The following CSNK1G2 variants were observed in gnomAD, a reference collection of about 807,000 sequenced individuals.
CSNK1G2 encodes the protein casein kinase I isoform gamma-2.
CSNK1G2 carries 11 observed loss-of-function variants against 48.0 expected under a neutral mutation model. The ratio of observed to expected loss-of-function variants is 0.23; its 90% CI spans 0.14 to 0.38. The LOEUF is 0.38. Among genes scored for constraint, CSNK1G2 ranks in the 10% least tolerant of loss-of-function variants. CSNK1G2 has a pLI of 1.00. For missense variants in CSNK1G2, 446 were observed against 595.5 expected (o/e 0.75, Z 2.61); for synonymous variants, 337 against 254.1 (o/e 1.33, Z -3.10).
chr19:1,963,831 T>TC (rs1195529263), intron 1 of CSNK1G2, among the ~76,000 whole-genome samples: 1 of 145,222 alleles, frequency 6.9e-6, no homozygotes, highest in African/African-American at 2.6e-5. Context: ...TTTTTTTTTT[T>TC]TTGGAGACAG....
intron 1 of CSNK1G2, among the ~76,000 whole-genome samples, chr19:1,948,967 G>C (rs1450354875): frequency 1.3e-5 from 2 of 152,210 alleles, no homozygotes; most frequent in African/African-American, 4.8e-5. Flanking sequence ...TGGAAGTAAT[G>C]CTCATGGAAG....
Position 1,957,173 on chromosome 19 carries a change from G to T in CSNK1G2, c.-265-12335G>T, listed in dbSNP as rs114340485. Among the ~76,000 whole-genome samples the T allele has an allele frequency of 0.013, 1,940 of 152,290 alleles. 43 individuals are homozygous for T. The highest frequency in any genetic ancestry group is 0.044 in the African/African-American group (1,843 of 41,540). The stretch of plus-strand genomic sequence containing the variant: ...GGCTAGAAAGAAAAGCAACCTGGAC[G>T]CAGGCCCCACCTCCCTCCAGGCAGC... On this transcript the variant is annotated intron_variant, in intron 1 of 11. Coordinates refer to ENST00000255641, the MANE Select transcript of CSNK1G2 (RefSeq NM_001319.7). This position sits in a 1 kb window ranked among gnomAD's most constrained non-coding sequence, Gnocchi z 5.4.
At chr19:1,974,024 A>C (rs944155527) in intron 2 of CSNK1G2, among the ~76,000 whole-genome samples, 25 of 151,882 alleles carry the variant, frequency 1.6e-4, no homozygotes, top group African/African-American at 6.0e-4. Flanking sequence ...AGTAGCTGGG[A>C]TTACAGGCGC....
At chr19:1,951,498 G>T (rs2014761501) in intron 1 of CSNK1G2, among the ~76,000 whole-genome samples, 2 of 146,116 alleles carry the variant, frequency 1.4e-5, no homozygotes, top group Non-Finnish European at 3.0e-5. Context: ...TGGCCCAGCT[G>T]CCTGTGTCCT....
intron 1 of CSNK1G2, among the ~76,000 whole-genome samples, chr19:1,954,887 G>C (rs1296516014): frequency 6.6e-6 from 1 of 152,164 alleles, no homozygotes; most frequent in South Asian, 2.1e-4. Context: ...GGGTTGGGTG[G>C]AGGCTGGGTG....
At position 1,945,884 on chromosome 19, in the gene CSNK1G2, G is replaced by A. The variant is rs145564956; in HGVS notation, c.-266+4466G>A. Among the ~76,000 whole-genome samples, 254 of 151,968 alleles carry A rather than the reference G, an allele frequency of 1.7e-3. 1 individual carries two copies. The highest frequency in any genetic ancestry group is 5.8e-3 in the African/African-American group (242 of 41,424). ...CGCATCTGCTGAACTTCTGGGGCAC[G>A]CTGGGGTAGAGCAGTGGGTCCCTCC... On this transcript the variant is annotated intron_variant, in intron 1 of 11. Coordinates refer to ENST00000255641, the MANE Select transcript of CSNK1G2 (RefSeq NM_001319.7).
chr19:1,967,741 T>TCTTC (rs1568196217), intron 1 of CSNK1G2, among the ~76,000 whole-genome samples: 1 of 61,868 alleles, frequency 1.6e-5, no homozygotes, highest in African/African-American at 7.1e-5. Context: ...CCTTCCTCCC[T>TCTTC]CCTCCCCAGG....
intron 1 of CSNK1G2, among the ~76,000 whole-genome samples, chr19:1,950,432 C>T (rs2014724031): frequency 6.8e-6 from 1 of 147,174 alleles, no homozygotes; most frequent in Non-Finnish European, 1.5e-5. Context: ...AGCCACCGCG[C>T]CTGGCCATCA....
chr19:1,979,649 T>TG lies in CSNK1G2; in HGVS notation c.1002+13dup, dbSNP rs540582543. 3.4e-3 allele frequency: 5,467 copies of TG among 1,602,084 alleles called. 29 individuals carry two copies. Among genetic ancestry groups the TG allele is most frequent in the South Asian group, 7.1e-3 (644 of 91,056 alleles). ...ACTGGGCCGGGAAGCCCCTGGTAGG[T>TG]GGGGGGGTGCCGGTATGTGGGAGCG... On this transcript the variant is annotated splice_region_variant and intron_variant, in intron 9 of 11. Transcript: ENST00000255641.
chr19:1,968,112 G>A (rs183545294), intron 1 of CSNK1G2, among the ~76,000 whole-genome samples: 5 of 31,600 alleles, frequency 1.6e-4, no homozygotes, highest in African/African-American at 1.3e-3. Context: ...GGCTGCCCCC[G>A]ACCACCCTTC....
rs751396660 is a variant in CSNK1G2, at chr19:1,978,405, G to A, written c.229-37G>A. On this transcript the variant is annotated intron_variant, in intron 3 of 11. Coordinates refer to ENST00000255641, the MANE Select transcript of CSNK1G2 (RefSeq NM_001319.7). This position sits in a 1 kb window ranked among gnomAD's most constrained non-coding sequence, Gnocchi z 7.3. ...TGCCCCCCAGGGATTTCAGGGCAGC[G>A]ACCCGGTCCCCTGGTGACTCGCTCT... 7 of 1,611,934 alleles carry A rather than the reference G, an allele frequency of 4.3e-6. No individual in the cohort carries two copies. Among genetic ancestry groups the A allele is most frequent in the African/African-American group, 4.0e-5 (3 of 74,894 alleles).
Position 1,978,280 on chromosome 19 carries a change from G to A in CSNK1G2, c.188-25G>A. ...GGGCTAGGTGGGCCCTGCGCTGGCG[G>A]TGCTGATGGTCTCTGTCCCCGCAGG... is the stretch of plus-strand genomic sequence containing the variant. On this transcript the variant is annotated intron_variant, in intron 2 of 11. Coordinates refer to ENST00000255641, the MANE Select transcript of CSNK1G2 (RefSeq NM_001319.7). The surrounding 1 kb of genome is among the most constrained non-coding windows in gnomAD (Gnocchi z 7.3). 2 of 1,613,136 alleles carry A rather than the reference G, an allele frequency of 1.2e-6. No homozygotes were observed. The highest frequency in any genetic ancestry group is 1.7e-6 in the Non-Finnish European group (2 of 1,179,796).
chr19:1,973,410 C>T (rs1162217385), intron 2 of CSNK1G2, among the ~76,000 whole-genome samples: 2 of 151,892 alleles, frequency 1.3e-5, no homozygotes, highest in Non-Finnish European at 2.9e-5. Context: ...TTAGTAGAGA[C>T]AGGGTTTTGC....
chr19:1,963,080 G>A (rs368007217), intron 1 of CSNK1G2, among the ~76,000 whole-genome samples: 3 of 85,320 alleles, frequency 3.5e-5, no homozygotes, highest in Admixed American at 1.3e-4. Flanking sequence ...AATGAGACAC[G>A]CCAGACACAG....
chr19:1,963,148 G>A (rs1222718227), intron 1 of CSNK1G2, among the ~76,000 whole-genome samples: 2 of 152,134 alleles, frequency 1.3e-5, no homozygotes, highest in East Asian at 3.9e-4. Flanking sequence ...CCCAGCCACA[G>A]AGACAGGGAG....
At chr19:1,971,331 C>T (rs1381986653) in intron 2 of CSNK1G2, among the ~76,000 whole-genome samples, 1 of 152,230 alleles carries the variant, frequency 6.6e-6, no homozygotes, top group East Asian at 1.9e-4. Flanking sequence ...GATTCCACCT[C>T]TGCGCAGAGG....
Position 1,957,149 on chromosome 19 carries a change from G to A in CSNK1G2, c.-265-12359G>A, listed in dbSNP as rs900339872. Among the ~76,000 whole-genome samples the A allele has an allele frequency of 2.0e-5, 3 of 152,284 alleles. No individual in the cohort carries two copies. The East Asian group carries it at 5.8e-4, about 29-fold the overall frequency. ...CTGTGGAGAGGGCAAGGCAGGGGCG[G>A]CTAGAAAGAAAAGCAACCTGGACGC... On this transcript the variant is annotated intron_variant, in intron 1 of 11. Coordinates refer to ENST00000255641, the MANE Select transcript of CSNK1G2 (RefSeq NM_001319.7). This position sits in a 1 kb window ranked among gnomAD's most constrained non-coding sequence, Gnocchi z 5.4.
chr19:1,954,994 A>C (rs945076761), intron 1 of CSNK1G2, among the ~76,000 whole-genome samples: 2 of 152,056 alleles, frequency 1.3e-5, no homozygotes, highest in Non-Finnish European at 2.9e-5. Flanking sequence ...CTGCGTGGGC[A>C]CTGTGGGTGC....
chr19:1,955,704 G>C (rs4806822), intron 1 of CSNK1G2, among the ~76,000 whole-genome samples: 1 of 152,004 alleles, frequency 6.6e-6, no homozygotes, highest in Non-Finnish European at 1.5e-5. Flanking sequence ...CAGCCCTGAG[G>C]GTGCAGGGAG....
Sources: allele counts gnomAD v4.1 joint callset (sites outside exome capture counted in the v4.1 genomes callset), GRCh38; gene constraint gnomAD v4.1.1; non-coding constraint Gnocchi (gnomAD v3.1); transcripts MANE v1.5; gene names NCBI Gene and HGNC (gene_info 2026-07-23, HGNC 2026-07-21).